Variants in SEMA6A observed in about 807,000 individuals in gnomAD.
The protein encoded by SEMA6A is semaphorin-6A.
Under a neutral mutation model 96.8 loss-of-function variants are expected in SEMA6A, and 25 were observed. The observed-to-expected ratio is 0.26, with a 90% CI of 0.19 to 0.36. SEMA6A has a LOEUF of 0.36. Ranked by LOEUF, SEMA6A falls within the 10% of genes least tolerant of loss-of-function variation. SEMA6A has a pLI of 1.00. For synonymous variants in SEMA6A, 612 were observed against 518.0 expected, an observed-to-expected ratio of 1.18 and a Z score of -2.46; for missense variants, 1,363 against 1,323.1, an observed-to-expected ratio of 1.03 and a Z score of -0.47.
At chr5:116,469,193 T>G (rs947920424) in intron 17 of SEMA6A, 1 of 152,226 alleles carries the variant, frequency 6.6e-6, no homozygotes, top group African/African-American at 2.4e-5. Flanking sequence ...GTATGGCACT[T>G]GTTTGGCTCT....
chr5:116,567,835 T>C (rs1761074900), intron 1 of SEMA6A, among the ~76,000 whole-genome samples: 3 of 152,354 alleles, frequency 2.0e-5, no homozygotes, highest in African/African-American at 7.2e-5. Context: ...CCCTGACATA[T>C]TAATCGTTAC....
intron 17 of SEMA6A, among the ~76,000 whole-genome samples, chr5:116,472,057 T>C (rs1756176913): frequency 6.6e-6 from 1 of 152,216 alleles, no homozygotes; most frequent in African/African-American, 2.4e-5. Context: ...ACAGCTTGCA[T>C]TATAATGCAG....
At position 116,446,561 on chromosome 5, in the gene SEMA6A, C is replaced by T. The variant is rs572702367; in HGVS notation, c.*52G>A. 213 of 1,411,902 alleles carry T rather than the reference C, an allele frequency of 1.5e-4. No individual in the cohort carries two copies. The highest frequency in any genetic ancestry group is 7.4e-4 in the Middle Eastern group (4 of 5,434). 87.5% of individuals were successfully genotyped at this position (1,411,902 alleles called of 1,614,324 possible). On this transcript the variant is annotated 3_prime_UTR_variant, in exon 19 of 19. Transcript: ENST00000343348. ...CAGTTGAGAACCTTGCTGAGCTGAG[C>T]GGGCACCTCGCCTTGCCTGCTGGTT...
intron 16 of SEMA6A, among the ~76,000 whole-genome samples, chr5:116,473,584 C>G (rs1244964059): frequency 6.6e-6 from 1 of 152,088 alleles, no homozygotes; most frequent in Non-Finnish European, 1.5e-5. Context: ...AAAAACAAAC[C>G]CTTACACATA....
chr5:116,490,704 G>C (rs1757289966), intron 7 of SEMA6A, among the ~76,000 whole-genome samples: 1 of 152,204 alleles, frequency 6.6e-6, no homozygotes, highest in South Asian at 2.1e-4. Context: ...CACTGAGGGA[G>C]AGGTTCAGGA....
intron 17 of SEMA6A, among the ~76,000 whole-genome samples, chr5:116,470,936 G>T (rs1296023284): frequency 6.6e-6 from 1 of 152,228 alleles, no homozygotes; most frequent in Non-Finnish European, 1.5e-5. Flanking sequence ...GCCCAGTACA[G>T]TGCCTAGGAC....
chr5:116,500,866 C>T (rs549947780), intron 3 of SEMA6A, among the ~76,000 whole-genome samples: 3 of 152,124 alleles, frequency 2.0e-5, no homozygotes, highest in South Asian at 2.1e-4. Flanking sequence ...ATTAGCTGGG[C>T]GTGGTGGCGG....
Position 116,482,486 on chromosome 5 carries a change from G to C in SEMA6A, c.1052C>G (p.Ser351Cys). 6.2e-7 allele frequency: 1 copy of C among 1,613,544 alleles called. No homozygotes were observed. The highest frequency in any genetic ancestry group is 1.1e-5 in the South Asian group (1 of 91,056). ...TTCATCAGGAACTGGTGTCCAGGTG[G>C]AATCAGGAGACTTCTGTTCCTTGAA... ...GRFKEQKSPD[S>C]TWTPVPDERV... Residue 351 changes from serine to cysteine, a missense_variant, in exon 11 of 19, where the codon TCC (serine) becomes TGC (cysteine). This residue lies in a region of SEMA6A where 480 missense variants were observed against 559.5 expected (regional missense o/e 0.86). Coordinates refer to ENST00000343348, the MANE Select transcript of SEMA6A (RefSeq NM_020796.5).
At chr5:116,465,987 C>G (rs1275689517) in intron 18 of SEMA6A, among the ~76,000 whole-genome samples, 1 of 149,388 alleles carries the variant, frequency 6.7e-6, no homozygotes, top group Non-Finnish European at 1.5e-5. Flanking sequence ...TCTCTTCTAC[C>G]TGGAGCTTTC....
intron 1 of SEMA6A, among the ~76,000 whole-genome samples, chr5:116,532,400 C>T (rs1759524170): frequency 6.6e-6 from 1 of 152,166 alleles, no homozygotes; most frequent in African/African-American, 2.4e-5. Context: ...AAATTTATGT[C>T]AAAGTGGCCA....
intron 1 of SEMA6A, among the ~76,000 whole-genome samples, chr5:116,540,845 G>C (rs1759931007): frequency 6.6e-6 from 1 of 152,116 alleles, no homozygotes; most frequent in South Asian, 2.1e-4. Flanking sequence ...AGCATCTTCT[G>C]GCACTTAAGA....
intron 1 of SEMA6A, among the ~76,000 whole-genome samples, chr5:116,540,832 A>T (rs759150295): frequency 1.1e-4 from 16 of 152,184 alleles, no homozygotes; most frequent in Non-Finnish European, 2.4e-4. Context: ...TCTACTTCGG[A>T]TCAGCATCTT....
intron 1 of SEMA6A, among the ~76,000 whole-genome samples, chr5:116,564,539 C>G (rs1470752916): frequency 6.6e-6 from 1 of 152,144 alleles, no homozygotes; most frequent in Non-Finnish European, 1.5e-5. Flanking sequence ...ATTTGCCAAC[C>G]AGAAGCAAGC....
intron 9 of SEMA6A, among the ~76,000 whole-genome samples, chr5:116,487,393 G>T (rs534018834): frequency 1.6e-4 from 25 of 152,064 alleles, no homozygotes; most frequent in African/African-American, 6.0e-4. Context: ...CTACTCTCTG[G>T]TAAAAAGAAC....
intron 1 of SEMA6A, among the ~76,000 whole-genome samples, chr5:116,525,817 A>C (rs981475434): frequency 1.3e-5 from 2 of 152,216 alleles, no homozygotes; most frequent in Admixed American, 6.5e-5. Flanking sequence ...CAAACACCTC[A>C]AAGGGAGGGG....
intron 18 of SEMA6A, among the ~76,000 whole-genome samples, chr5:116,448,626 G>A (rs368283526): frequency 7.2e-5 from 11 of 152,084 alleles, no homozygotes; most frequent in Non-Finnish European, 1.3e-4. Context: ...CGGAGCCTCC[G>A]TCTGGGGAAA....
chr5:116,466,642 G>T (rs1052068234), intron 18 of SEMA6A, among the ~76,000 whole-genome samples: 2 of 152,140 alleles, frequency 1.3e-5, no homozygotes, highest in Non-Finnish European at 2.9e-5. Flanking sequence ...AGAACACTCT[G>T]GGGGAGGGTG....
intron 15 of SEMA6A, among the ~76,000 whole-genome samples, chr5:116,476,714 A>G (rs1353196722): frequency 6.6e-6 from 1 of 152,236 alleles, no homozygotes; most frequent in Non-Finnish European, 1.5e-5. Flanking sequence ...TAGAAAGGAC[A>G]TAGGTCATCT....
chr5:116,487,123 AAG>A (rs1757090449), intron 9 of SEMA6A, 157 bp from the exon 10 acceptor site: 3 of 610,094 alleles, frequency 4.9e-6, no homozygotes, highest in African/African-American at 1.9e-5. Flanking sequence ...AAAAGAAAAA[AAG>A]AGGAAAACTC....
Sources: allele counts gnomAD v4.1 joint callset (sites outside exome capture counted in the v4.1 genomes callset), GRCh38; gene constraint gnomAD v4.1.1; regional missense constraint gnomAD v4.1.1; transcripts MANE v1.5; gene names NCBI Gene and HGNC (gene_info 2026-07-23, HGNC 2026-07-21).